CIRBP: variants seen among roughly 807,000 people sequenced by gnomAD.
CIRBP encodes cold inducible RNA binding protein.
Under a neutral mutation model 22.3 loss-of-function variants are expected in CIRBP, and 11 were observed. The observed-to-expected ratio is 0.49, with a 90% CI of 0.31 to 0.82. CIRBP has a LOEUF of 0.82. Ranked by LOEUF, CIRBP falls within the 40% of genes least tolerant of loss-of-function variation. The pLI is 0.05. For missense variants in CIRBP, 456 were observed against 402.7 expected (o/e 1.13, Z -1.13); for synonymous variants, 216 against 158.8 (o/e 1.36, Z -2.71).
intron 1 of CIRBP, among the ~76,000 whole-genome samples, chr19:1,270,472 A>T (rs2081320704): frequency 6.6e-6 from 1 of 152,144 alleles, no homozygotes; most frequent in Non-Finnish European, 1.5e-5. Context: ...TATTTGAATT[A>T]AGAAGTCCTA....
At chr19:1,269,714 C>CG (rs1167745475) in intron 1 of CIRBP, 4 of 355,682 alleles carry the variant, frequency 1.1e-5, no homozygotes, top group Non-Finnish European at 2.2e-5. Flanking sequence ...AGGGTGCGCG[C>CG]GGGGCGCATG....
Position 1,272,280 on chromosome 19 carries a change from G to C in CIRBP, c.731G>C (p.Arg244Thr), listed in dbSNP as rs1233160083. 1 of 1,612,860 alleles carries C rather than the reference G, an allele frequency of 6.2e-7. No individual in the cohort carries two copies. The highest frequency in any genetic ancestry group is 1.1e-5 in the South Asian group (1 of 91,064). The change falls in exon 6 of 6, where the codon AGG becomes ACG. Residue 244 changes from arginine to threonine, a missense_variant. Arg to Thr is a moderately conservative substitution (Grantham distance 71). This residue lies in a region of CIRBP where 426 missense variants were observed against 339.6 expected (regional missense o/e 1.25). Transcript: ENST00000587896. The stretch of plus-strand genomic sequence containing the variant: ...CGAGGGCCCGCTGGGCAGTCAGCTA[G>C]GTGCATGTGTGGCCGCAGGCCAGCC... ...GERGPAGQSARCMCGRRPASL... is the reference protein window; with the variant it reads ...GERGPAGQSATCMCGRRPASL...
Position 1,272,013 on chromosome 19 carries a change from G to A in CIRBP, c.464G>A (p.Ser155Asn), listed in dbSNP as rs1218980715. The change falls in exon 6 of 6, where the codon AGC (serine) becomes AAC (asparagine). Residue 155 changes from serine (S) to asparagine (N), a missense_variant. Ser to Asn is a conservative substitution (Grantham distance 46). This residue lies in a region of CIRBP where 426 missense variants were observed against 339.6 expected (regional missense o/e 1.25). Coordinates refer to ENST00000587896, the MANE Select transcript of CIRBP (RefSeq NM_001300829.2). ...CAGAGTGGTGGCTACAGTGACCGGA[G>A]CTCGGGCGGGTCCTACAGAGACAGT... is the stretch of plus-strand genomic sequence containing the variant. Reference protein sequence around the residue: ...RSQSGGYSDRSSGGSYRDSYD... With the variant: ...RSQSGGYSDRNSGGSYRDSYD... 2 of 1,612,522 alleles carry A rather than the reference G, an allele frequency of 1.2e-6. No homozygotes were observed. Among genetic ancestry groups the A allele is most frequent in the East Asian group, 2.2e-5 (1 of 44,848 alleles).
chr19:1,270,069 C>A (rs762261538), intron 1 of CIRBP: 6 of 519,804 alleles, frequency 1.2e-5, no homozygotes, highest in Admixed American at 5.8e-5. Flanking sequence ...CTGACCGCCC[C>A]CTTAAATAGC....
intron 1 of CIRBP, 127 bp downstream of exon 1, chr19:1,269,537 C>G (rs1402292641): frequency 1.3e-5 from 2 of 157,568 alleles, no homozygotes; most frequent in African/African-American, 4.8e-5. Flanking sequence ...GTCCGCCCCG[C>G]CGGCGGCGAG....
At chr19:1,271,092 C>G (rs757635594) in intron 2 of CIRBP, 48 bp from the exon 3 acceptor site, 9 of 1,610,572 alleles carry the variant, frequency 5.6e-6, no homozygotes, top group Middle Eastern at 1.7e-4. Context: ...CTCCTCCTAC[C>G]TGGAAGTACA....
chr19:1,270,240 C>T (rs1027305923), intron 1 of CIRBP: 3 of 395,766 alleles, frequency 7.6e-6, no homozygotes, highest in Admixed American at 5.5e-5. Context: ...CAGCCCCCCC[C>T]CCAGTCTCAG....
Position 1,273,251 on chromosome 19 carries a change from G to C in CIRBP, c.*808G>C, listed in dbSNP as rs751568903. The C allele has an allele frequency of 2.0e-5, 3 of 152,310 alleles. No individual in the cohort carries two copies. Among genetic ancestry groups the C allele is most frequent in the Admixed American group, 6.5e-5 (1 of 15,294 alleles). 9.4% of individuals were successfully genotyped at this position (152,310 alleles called of 1,614,324 possible). A position where few individuals can be genotyped will look rare whatever the true frequency, so the allele number is the denominator to read the frequency against. Reference sequence around the variant, plus strand: ...CTGCAGCCAGACCTGAGCAGAGAGAGAAGGTGGAGAAGCAGCGGGTCTGCA... The same window carrying C: ...CTGCAGCCAGACCTGAGCAGAGAGACAAGGTGGAGAAGCAGCGGGTCTGCA... On this transcript the variant is annotated 3_prime_UTR_variant, in exon 6 of 6. Transcript: ENST00000587896.
chr19:1,272,199 A>G lies in CIRBP; in HGVS notation c.650A>G (p.His217Arg). 1 of 1,595,408 alleles carries G rather than the reference A, an allele frequency of 6.3e-7. No homozygotes were observed. The highest frequency in any genetic ancestry group is 1.1e-5 in the South Asian group (1 of 89,950). ...PEEAHLSSQS[H>R]FYRRTQKPNE... is the part of the protein sequence containing the mutation. ...GAGGCGCATCTGTCCTCTCAGAGCC[A>G]TTTCTATCGCAGGACGCAAAAGCCA... Residue 217 changes from histidine to arginine, a missense_variant, in exon 6 of 6, where the codon CAT (histidine) becomes CGT (arginine). This residue lies in a region of CIRBP where 426 missense variants were observed against 339.6 expected (regional missense o/e 1.25). Transcript: ENST00000587896.
rs1437966771 is a variant in CIRBP at position 1,269,717 on chromosome 19, G to C, written c.-7+307G>C. On this transcript the variant is annotated intron_variant, in intron 1 of 5. Coordinates refer to ENST00000587896, the MANE Select transcript of CIRBP (RefSeq NM_001300829.2). ...ATGGAGTGGCGCAGGGTGCGCGCGG[G>C]GCGCATGCGCACGCGGCGGGGGCGG... 5.3e-5 allele frequency: 19 copies of C among 358,518 alleles called. No homozygotes were observed. In the East Asian group the frequency reaches 1.4e-3, roughly 27 times the overall value. 22.2% of individuals were successfully genotyped at this position (358,518 alleles called of 1,614,324 possible).
rs777298813 is a variant in CIRBP at position 1,271,225 on chromosome 19, C to T, written c.189C>T (p.Ala63=). The change falls in exon 3 of 6, where the codon GCC becomes GCT. Residue 63 remains alanine, a synonymous_variant. Transcript: ENST00000587896. ...TFENIDDAKD[A]MMAMNGKSVD... ...AGAACATTGACGACGCTAAGGATGC[C>T]ATGATGGCCATGAATGGGAAGGTGA... 40 of 1,613,870 alleles carry T rather than the reference C, an allele frequency of 2.5e-5. No homozygotes were observed. The highest frequency in any genetic ancestry group is 3.4e-5 in the Non-Finnish European group (40 of 1,180,028).
rs1178549073 is a variant in CIRBP at position 1,271,899 on chromosome 19, TG to T, written c.432-77del. The T allele has an allele frequency of 7.9e-6, 10 of 1,260,084 alleles. No homozygotes were observed. In the African/African-American group the frequency reaches 1.2e-4, roughly 15 times the overall value. 78.1% of individuals were successfully genotyped at this position (1,260,084 alleles called of 1,614,324 possible). ...GTGTCCCCAGAAGGGACGGCTGGCA[TG>T]GGGGCTGGCGGCTCAGCCTGTTGTG... On this transcript the variant is annotated intron_variant, in intron 5 of 5. Transcript: ENST00000587896.
At position 1,274,329 on chromosome 19, in the gene CIRBP, T is replaced by C; in HGVS notation, c.*1886T>C. On this transcript the variant is annotated 3_prime_UTR_variant, in exon 6 of 6. Coordinates refer to ENST00000587896, the MANE Select transcript of CIRBP (RefSeq NM_001300829.2). ...CAGGTTGAAGGGGCCCGGCCAGGACTCGGGGAAGGGTGGCCTGAGAGCAGC... is the reference window on the plus strand; with the variant it reads ...CAGGTTGAAGGGGCCCGGCCAGGACCCGGGGAAGGGTGGCCTGAGAGCAGC... The C allele has an allele frequency of 2.5e-6, 1 of 401,300 alleles. No homozygotes were observed. The highest frequency in any genetic ancestry group is 3.6e-5 in the East Asian group (1 of 28,082). 24.9% of individuals were successfully genotyped at this position (401,300 alleles called of 1,614,324 possible). A position where few individuals can be genotyped will look rare whatever the true frequency, so the allele number is the denominator to read the frequency against.
chr19:1,272,192 C>G lies in CIRBP; in HGVS notation c.643C>G (p.Gln215Glu), dbSNP rs1038136627. Reference sequence around the variant, plus strand: ...CCCAGAAGAGGCGCATCTGTCCTCTCAGAGCCATTTCTATCGCAGGACGCA... The same window carrying G: ...CCCAGAAGAGGCGCATCTGTCCTCTGAGAGCCATTTCTATCGCAGGACGCA... The part of the protein sequence containing the change: ...ACPEEAHLSS[Q>E]SHFYRRTQKP... Residue 215 changes from glutamine to glutamate, a missense_variant, in exon 6 of 6, where the codon CAG becomes GAG. Coordinates refer to ENST00000587896, the MANE Select transcript of CIRBP (RefSeq NM_001300829.2). 6 of 1,597,136 alleles carry G rather than the reference C, an allele frequency of 3.8e-6. No homozygotes were observed. The highest frequency in any genetic ancestry group is 5.1e-6 in the Non-Finnish European group (6 of 1,172,674).
intron 5 of CIRBP, 53 bp downstream of exon 5, chr19:1,271,685 C>A (rs757804037): frequency 8.6e-7 from 1 of 1,163,178 alleles, no homozygotes; most frequent in East Asian, 2.4e-5. Flanking sequence ...GGCCAGCTTC[C>A]GTCCCGGGTC....
At position 1,270,772 on chromosome 19, in the gene CIRBP, A is replaced by G. The variant is rs1472290562; in HGVS notation, c.-6-156A>G. 5 of 656,706 alleles carry G rather than the reference A, an allele frequency of 7.6e-6. No homozygotes were observed. The Admixed American group carries it at 7.7e-5, about 10-fold the overall frequency. 40.7% of individuals were successfully genotyped at this position (656,706 alleles called of 1,614,324 possible). A position where few individuals can be genotyped will look rare whatever the true frequency, so the allele number is the denominator to read the frequency against. On this transcript the variant is annotated intron_variant, in intron 1 of 5. Coordinates refer to ENST00000587896, the MANE Select transcript of CIRBP (RefSeq NM_001300829.2). ...AGACACACTGCCCCCGACCCCAAAA[A>G]AATAAGTCCTAGGTATGAGTTTGAG...
intron 1 of CIRBP, 36 bp downstream of exon 1, chr19:1,269,446 G>GGGGCGGC (rs1235921498): frequency 2.6e-5 from 4 of 151,704 alleles, no homozygotes; most frequent in South Asian, 2.1e-4. Context: ...CGAGGAGCTC[G>GGGGCGGC]GGGCGGCGGG....
rs866075395 is a variant in CIRBP at position 1,274,672 on chromosome 19, G to A, written c.*2229G>A. 5.0e-6 allele frequency: 1 copy of A among 201,570 alleles called. No individual in the cohort carries two copies. The highest frequency in any genetic ancestry group is 1.6e-3 in the Middle Eastern group (1 of 628). The allele number at this position is 201,570 out of a possible 1,614,324, so 12.5% of individuals were successfully genotyped here. The stretch of plus-strand genomic sequence containing the variant: ...AGGAGGCGCTTCGCCAGTGAGGTGC[G>A]GGCTCAGGGCCTCGAGTCTCTCCTG... On this transcript the variant is annotated 3_prime_UTR_variant, in exon 6 of 6. Coordinates refer to ENST00000587896, the MANE Select transcript of CIRBP (RefSeq NM_001300829.2).
In CIRBP at chr19:1,274,303, G is replaced by A. The variant is rs984454740; in HGVS notation, c.*1860G>A. On this transcript the variant is annotated 3_prime_UTR_variant, in exon 6 of 6. Transcript: ENST00000587896. Reference sequence around the variant, plus strand: ...TTGGGAGTAACGCTGCTTTGCTTTGGCAGGTTGAAGGGGCCCGGCCAGGAC... The same window carrying A: ...TTGGGAGTAACGCTGCTTTGCTTTGACAGGTTGAAGGGGCCCGGCCAGGAC... The A allele has an allele frequency of 4.2e-5, 17 of 401,262 alleles. No homozygotes were observed. In the Admixed American group the frequency reaches 7.0e-4, roughly 17 times the overall value. 24.9% of individuals were successfully genotyped at this position (401,262 alleles called of 1,614,324 possible).
Sources: gnomAD v4.1 joint callset for allele counts (sites outside exome capture counted in the v4.1 genomes callset) on GRCh38, gnomAD v4.1.1 for gene constraint, gnomAD v4.1.1 regional missense constraint, MANE v1.5 for transcripts, NCBI Gene and HGNC (gene_info 2026-07-23, HGNC 2026-07-21) for gene names.